ARG1: variants seen among roughly 807,000 people sequenced by gnomAD.
ARG1 encodes arginase 1.
Under a neutral mutation model 33.0 loss-of-function variants are expected in ARG1, and 20 were observed. That is an observed-to-expected ratio of 0.61 (90% CI 0.43 to 0.88). The LOEUF is 0.88. Among genes scored for constraint, ARG1 ranks in the 40% least tolerant of loss-of-function variants. The pLI, the probability that ARG1 is intolerant of heterozygous loss-of-function variation, is 0.00. For synonymous variants in ARG1, 146 were observed against 140.6 expected, an observed-to-expected ratio of 1.04 and a Z score of -0.27; for missense variants, 374 against 384.7, an observed-to-expected ratio of 0.97 and a Z score of 0.23.
rs776119677 is a variant in ARG1 at position 131,583,875 on chromosome 6, C to A, written c.936C>A (p.His312Gln). 1.2e-6 allele frequency: 2 copies of A among 1,614,124 alleles called. No individual in the cohort carries two copies. The highest frequency in any genetic ancestry group is 3.3e-5 in the Admixed American group (2 of 60,024). ...ACFGLAREGN[H>Q]KPIDYLNPPK ...TCGGACTTGCTCGGGAGGGTAATCACAAGCCTATTGACTACCTTAACCCAC... is the reference window on the plus strand; with the variant it reads ...TCGGACTTGCTCGGGAGGGTAATCAAAAGCCTATTGACTACCTTAACCCAC... The change falls in exon 8 of 8, where the codon CAC (histidine) becomes CAA (glutamine). Residue 312 changes from histidine (H) to glutamine (Q), a missense_variant. By Grantham distance (24) the His-to-Gln change is conservative. Coordinates refer to ENST00000368087, the MANE Select transcript of ARG1 (RefSeq NM_000045.4).
chr6:131,580,298 A>T (rs1203683391), intron 3 of ARG1, among the ~76,000 whole-genome samples: 1 of 152,164 alleles, frequency 6.6e-6, no homozygotes, highest in African/African-American at 2.4e-5. Context: ...GTTAAGTGGA[A>T]ATTTTAGGAA....
Position 131,581,357 on chromosome 6 carries a change from C to A in ARG1, c.444C>A (p.Leu148=). The A allele has an allele frequency of 6.2e-7, 1 of 1,613,392 alleles. No homozygotes were observed. Among genetic ancestry groups the A allele is most frequent in the Non-Finnish European group, 8.5e-7 (1 of 1,179,662 alleles). ...TGCATGGACAACCTGTATCTTTCCT[C>A]CTGAAGGAACTAAAAGGAAAGGTAA... is the stretch of plus-strand genomic sequence containing the variant. The part of the protein sequence containing the change: ...GNLHGQPVSF[L]LKELKGKIPD... The change falls in exon 4 of 8, where the codon CTC becomes CTA. Residue 148 remains leucine, a synonymous_variant. Transcript: ENST00000368087.
chr6:131,579,316 C>G, intron 3 of ARG1, 31 bp downstream of exon 3: 6 of 1,610,958 alleles, frequency 3.7e-6, no homozygotes, highest in Non-Finnish European at 5.1e-6. Flanking sequence ...CTATGGGAAT[C>G]TGGCACAAAG....
chr6:131,575,675 T>C (rs934016253), intron 1 of ARG1, among the ~76,000 whole-genome samples: 7 of 152,146 alleles, frequency 4.6e-5, no homozygotes, highest in Non-Finnish European at 8.8e-5. Context: ...TCTGACAACA[T>C]GTAATAATCT....
rs374999926 is a variant in ARG1, at chr6:131,582,734, G to A, written c.560+19G>A. ...GGGAACAGTAAGCTTATTCCTTGAT[G>A]TGATTTGCCTCCATTTTTGTCCCTT... On this transcript the variant is annotated intron_variant, in intron 5 of 7. Transcript: ENST00000368087. 1.9e-6 allele frequency: 3 copies of A among 1,609,096 alleles called. No individual in the cohort carries two copies. The highest frequency in any genetic ancestry group is 1.7e-4 in the Middle Eastern group (1 of 6,048).
chr6:131,583,280 C>A, intron 6 of ARG1, 75 bp from the exon 7 acceptor site: 1 of 1,608,158 alleles, frequency 6.2e-7, no homozygotes, highest in Non-Finnish European at 8.5e-7. Context: ...TTTTATAAAA[C>A]AAGTTAACAG....
At position 131,576,680 on chromosome 6, in the gene ARG1, A is replaced by G. The variant is rs755973004; in HGVS notation, c.75A>G (p.Glu25=). ...TTGTTCAGCCACGAGGAGGGGTGGA[A>G]GAAGGCCCTACAGTATTGAGAAAGG... The part of the protein sequence containing the change: ...FSKGQPRGGV[E]EGPTVLRKAG... Residue 25 remains glutamate, a synonymous_variant, in exon 2 of 8, where the codon GAA becomes GAG. Transcript: ENST00000368087. 231 of 1,613,960 alleles carry G rather than the reference A, an allele frequency of 1.4e-4. 1 individual carries two copies. Among genetic ancestry groups the G allele is most frequent in the Admixed American group, 6.0e-4 (36 of 59,998 alleles).
At chr6:131,578,925 T>C (rs1773769940) in intron 2 of ARG1, among the ~76,000 whole-genome samples, 186 bp from the exon 3 acceptor site, 1 of 152,174 alleles carries the variant, frequency 6.6e-6, no homozygotes, top group Non-Finnish European at 1.5e-5. Context: ...CAGTGTGTGA[T>C]ACTGGTAACA....
chr6:131,574,096 TAAAG>T, intron 1 of ARG1: 1 of 691,280 alleles, frequency 1.4e-6, no homozygotes, highest in South Asian at 1.7e-5. Context: ...CTTATTCTAG[TAAAG>T]AGAGTGTGAT....
chr6:131,583,465 A>G lies in ARG1; in HGVS notation c.776A>G (p.Tyr259Cys). 1 of 1,614,148 alleles carries G rather than the reference A, an allele frequency of 6.2e-7. No homozygotes were observed. Among genetic ancestry groups the G allele is most frequent in the Non-Finnish European group, 8.5e-7 (1 of 1,180,004 alleles). Residue 259 changes from tyrosine to cysteine, a missense_variant, in exon 7 of 8, where the codon TAC (tyrosine) becomes TGC (cysteine). Tyr to Cys is a radical substitution (Grantham distance 194). Coordinates refer to ENST00000368087, the MANE Select transcript of ARG1 (RefSeq NM_000045.4). ...GGTCTGACATACAGAGAAGGTCTCT[A>G]CATCACAGAAGAAATCTACAAAACA... is the stretch of plus-strand genomic sequence containing the variant. ...VGGLTYREGL[Y>C]ITEEIYKTGL...
intron 2 of ARG1, among the ~76,000 whole-genome samples, chr6:131,577,264 G>T (rs1773664478): frequency 6.6e-6 from 1 of 152,144 alleles, no homozygotes; most frequent in African/African-American, 2.4e-5. Flanking sequence ...TAAAGTGTTG[G>T]TCAGGATGTG....
At position 131,583,956 on chromosome 6, in the gene ARG1, A is replaced by C. The variant is rs1394888884; in HGVS notation, c.*48A>C. 6.3e-7 allele frequency: 1 copy of C among 1,592,686 alleles called. No individual in the cohort carries two copies. The highest frequency in any genetic ancestry group is 1.1e-5 in the South Asian group (1 of 90,326). On this transcript the variant is annotated 3_prime_UTR_variant, in exon 8 of 8. Transcript: ENST00000368087. Reference sequence around the variant, plus strand: ...TCTCATAGTTAATGGCATAATTAGAAAGCTAATCATTTTCTTAAGCATAGA... The same window carrying C: ...TCTCATAGTTAATGGCATAATTAGACAGCTAATCATTTTCTTAAGCATAGA...
intron 5 of ARG1, 77 bp from the exon 6 acceptor site, chr6:131,582,977 CTATATT>C (rs566085596): frequency 2.8e-5 from 27 of 958,810 alleles, no homozygotes; most frequent in South Asian, 6.3e-5. Flanking sequence ...ATATATTTTA[CTATATT>C]TATATTTCCC....
chr6:131,577,141 G>A lies in ARG1; in HGVS notation c.130+406G>A, dbSNP rs144604179. Reference sequence around the variant, plus strand: ...AATGATAATAACAACAGCGCCTAGTGTGGGCGCAGTGTGTATATATACATA... The same window carrying A: ...AATGATAATAACAACAGCGCCTAGTATGGGCGCAGTGTGTATATATACATA... On this transcript the variant is annotated intron_variant, in intron 2 of 7. Transcript: ENST00000368087. 4.9e-4 allele frequency among the ~76,000 whole-genome samples: 74 copies of A among 152,314 alleles called. 2 individuals carry two copies. The highest frequency in any genetic ancestry group is 1.7e-3 in the African/African-American group (71 of 41,576).
intron 1 of ARG1, among the ~76,000 whole-genome samples, chr6:131,574,606 G>A (rs1392246920): frequency 6.6e-6 from 1 of 152,198 alleles, no homozygotes; most frequent in African/African-American, 2.4e-5. Flanking sequence ...GACTAAGAGA[G>A]AGAGATTTTT....
intron 1 of ARG1, chr6:131,573,990 T>A: frequency 2.2e-6 from 1 of 450,848 alleles, no homozygotes. Context: ...AGGATTTTAA[T>A]GGATTTATGA....
intron 4 of ARG1, 123 bp downstream of exon 4, chr6:131,581,501 G>A (rs995464505): frequency 8.4e-7 from 1 of 1,197,446 alleles, no homozygotes; most frequent in Non-Finnish European, 1.2e-6. Context: ...CATTTTCTCT[G>A]CAGCCAATAA....
At position 131,583,934 on chromosome 6, in the gene ARG1, C is replaced by T; in HGVS notation, c.*26C>T. 2 of 1,609,406 alleles carry T rather than the reference C, an allele frequency of 1.2e-6. No homozygotes were observed. The highest frequency in any genetic ancestry group is 1.7e-6 in the Non-Finnish European group (2 of 1,175,852). On this transcript the variant is annotated 3_prime_UTR_variant, in exon 8 of 8. Transcript: ENST00000368087. ...ATGTGGAAACATCCGATATAAATCTCATAGTTAATGGCATAATTAGAAAGC... is the reference window on the plus strand; with the variant it reads ...ATGTGGAAACATCCGATATAAATCTTATAGTTAATGGCATAATTAGAAAGC...
intron 4 of ARG1, among the ~76,000 whole-genome samples, chr6:131,582,163 G>T (rs1407187499): frequency 6.6e-6 from 1 of 152,174 alleles, no homozygotes; most frequent in Admixed American, 6.5e-5. Context: ...AACTTGCAAA[G>T]TATCTGCCTA....
Sources: gnomAD v4.1 joint callset for allele counts (sites outside exome capture counted in the v4.1 genomes callset) on GRCh38, gnomAD v4.1.1 for gene constraint, MANE v1.5 for transcripts, NCBI Gene and HGNC (gene_info 2026-07-23, HGNC 2026-07-21) for gene names.